CPNE4: variants seen among roughly 807,000 people sequenced by gnomAD.
CPNE4 encodes the protein copine-4.
In CPNE4, 25 loss-of-function variants were observed where a neutral mutation model predicts 67.9. That is an observed-to-expected ratio of 0.37 (90% CI 0.27 to 0.51). The LOEUF (loss-of-function observed/expected upper bound fraction) is 0.51. CPNE4 is among the 20% of genes least tolerant of loss of function. The pLI is 0.93. For missense variants in CPNE4, 464 were observed against 690.8 expected, an observed-to-expected ratio of 0.67 and a Z score of 3.68; for synonymous variants, 242 against 244.9, an observed-to-expected ratio of 0.99 and a Z score of 0.11.
In CPNE4 at chr3:131,627,273, A is replaced by G. The variant is rs74471488; in HGVS notation, c.682-39691T>C. Among the ~76,000 whole-genome samples the G allele has an allele frequency of 3.6e-3, 554 of 152,316 alleles. 4 individuals carry two copies. The highest frequency in any genetic ancestry group is 0.015 in the East Asian group (76 of 5,186). ...TCTACCTGTGTGCTATAAATGGAAGAATAAAGCCTGAATGGCATCACAATC... is the reference window on the plus strand; with the variant it reads ...TCTACCTGTGTGCTATAAATGGAAGGATAAAGCCTGAATGGCATCACAATC... On this transcript the variant is annotated intron_variant, in intron 7 of 15. Transcript: ENST00000429747.
chr3:131,994,819 C>A (rs2107653706), intron 1 of CPNE4, among the ~76,000 whole-genome samples: 1 of 152,302 alleles, frequency 6.6e-6, no homozygotes, highest in African/African-American at 2.4e-5. Flanking sequence ...TACAGAAAAG[C>A]ATTTAATCAA....
chr3:131,564,123 G>T, intron 11 of CPNE4, 93 bp downstream of exon 11: 1 of 1,463,684 alleles, frequency 6.8e-7, no homozygotes, highest in Non-Finnish European at 9.6e-7. Context: ...GGAGCTACTA[G>T]ACTTAATTTC....
At chr3:131,886,227 C>T (rs143078726) in intron 2 of CPNE4, among the ~76,000 whole-genome samples, 1 of 152,308 alleles carries the variant, frequency 6.6e-6, no homozygotes, top group Non-Finnish European at 1.5e-5. Flanking sequence ...TGAAAGGGGC[C>T]AATGTGGAGC....
chr3:131,811,014 A>G (rs955909552), intron 2 of CPNE4, among the ~76,000 whole-genome samples: 1 of 152,098 alleles, frequency 6.6e-6, no homozygotes, highest in African/African-American at 2.4e-5. Flanking sequence ...AATGGTGGTT[A>G]CCAGGAAAGG....
intron 2 of CPNE4, among the ~76,000 whole-genome samples, chr3:131,726,980 C>A (rs2082015659): frequency 6.6e-6 from 1 of 152,126 alleles, no homozygotes; most frequent in South Asian, 2.1e-4. Context: ...TTCTCTCTTC[C>A]CTAATCGTGA....
At chr3:131,870,872 T>C (rs1304292821) in intron 2 of CPNE4, among the ~76,000 whole-genome samples, 1 of 152,176 alleles carries the variant, frequency 6.6e-6, no homozygotes, top group East Asian at 1.9e-4. Flanking sequence ...GTAAGATTAC[T>C]CAGCCTGAAG....
At chr3:132,036,318 A>T (rs1413251607), upstream of CPNE4, among the ~76,000 whole-genome samples, 1 of 152,088 alleles carries the variant, frequency 6.6e-6, no homozygotes, top group African/African-American at 2.4e-5. Context: ...TGGATATGGA[A>T]TTACACTAAT....
At chr3:131,673,908 C>A (rs1200607738) in intron 6 of CPNE4, among the ~76,000 whole-genome samples, 1 of 152,032 alleles carries the variant, frequency 6.6e-6, no homozygotes, top group East Asian at 1.9e-4. Context: ...AGAGGAAAGG[C>A]TTTCAGTTTT....
chr3:131,544,644 A>G (rs1935717781), intron 14 of CPNE4, among the ~76,000 whole-genome samples: 1 of 152,128 alleles, frequency 6.6e-6, no homozygotes, highest in South Asian at 2.1e-4. Flanking sequence ...GAAGTGATGG[A>G]GGTGGTAGGG....
At chr3:131,709,408 G>C (rs1192029814) in intron 3 of CPNE4, among the ~76,000 whole-genome samples, 2 of 152,120 alleles carry the variant, frequency 1.3e-5, no homozygotes, top group Non-Finnish European at 2.9e-5. Context: ...CCCAGCAGTT[G>C]CTAGAGTGCC....
chr3:131,745,731 G>A (rs1417909817), intron 2 of CPNE4, among the ~76,000 whole-genome samples: 2 of 151,996 alleles, frequency 1.3e-5, no homozygotes, highest in Non-Finnish European at 2.9e-5. Context: ...TGGTTTCTCT[G>A]TTGTTCTGTT....
chr3:131,822,199 G>T (rs76497546), intron 2 of CPNE4, among the ~76,000 whole-genome samples: 4,811 of 152,188 alleles, frequency 0.032, 181 homozygotes, highest in South Asian at 0.095. Flanking sequence ...ATTACATAGA[G>T]TTTTAAATCT....
intron 2 of CPNE4, among the ~76,000 whole-genome samples, chr3:131,808,864 T>A (rs958413426): frequency 1.3e-5 from 2 of 152,192 alleles, no homozygotes; most frequent in African/African-American, 4.8e-5. Flanking sequence ...GGGATTTTTG[T>A]AAACGGTAAA....
Position 131,894,219 on chromosome 3 carries a change from T to C in CPNE4, c.180+11045A>G, listed in dbSNP as rs529125750. The stretch of plus-strand genomic sequence containing the variant: ...ACAAGTGAAAAAATTGAGTGAGTAA[T>C]AAAAAGACATTTATCAAAGAAAAGC... On this transcript the variant is annotated intron_variant, in intron 2 of 15. Coordinates refer to ENST00000429747, the MANE Select transcript of CPNE4 (RefSeq NM_130808.3). 3.3e-5 allele frequency among the ~76,000 whole-genome samples: 5 copies of C among 151,868 alleles called. No individual in the cohort carries two copies. The East Asian group carries it at 7.8e-4, about 24-fold the overall frequency.
intron 2 of CPNE4, among the ~76,000 whole-genome samples, chr3:131,829,945 C>T (rs1016235702): frequency 6.6e-6 from 1 of 152,174 alleles, no homozygotes; most frequent in African/African-American, 2.4e-5. Context: ...CATACACAAA[C>T]ACCTTCAAAA....
chr3:131,675,633 T>C (rs2080537110), intron 6 of CPNE4, among the ~76,000 whole-genome samples: 1 of 152,126 alleles, frequency 6.6e-6, no homozygotes, highest in African/African-American at 2.4e-5. Flanking sequence ...ACTCCTTCTC[T>C]TTTTTGGTTT....
chr3:131,768,804 G>T (rs1211931998), intron 2 of CPNE4, among the ~76,000 whole-genome samples: 2 of 152,148 alleles, frequency 1.3e-5, no homozygotes, highest in African/African-American at 2.4e-5. Flanking sequence ...CCCCTGGAAA[G>T]AAACTCAAGC....
intron 3 of CPNE4, among the ~76,000 whole-genome samples, chr3:131,704,594 C>T (rs13095371): frequency 0.29 from 43,438 of 152,040 alleles, 6,429 homozygotes; most frequent in Non-Finnish European, 0.31. Context: ...AATCTACTTA[C>T]CCTCCAATGC....
At chr3:132,018,911 C>T (rs535918576) in intron 1 of CPNE4, among the ~76,000 whole-genome samples, 5 of 152,106 alleles carry the variant, frequency 3.3e-5, no homozygotes, top group Non-Finnish European at 5.9e-5. Context: ...TCGATTGCTA[C>T]AGAATAAAAT....
Sources: gnomAD v4.1 joint callset for allele counts (sites outside exome capture counted in the v4.1 genomes callset) on GRCh38, gnomAD v4.1.1 for gene constraint, MANE v1.5 for transcripts, NCBI Gene and HGNC (gene_info 2026-07-23, HGNC 2026-07-21) for gene names.